The following ITPRID1 variants were observed in gnomAD, a reference collection of about 807,000 sequenced individuals.
ITPRID1 encodes the protein ITPR interacting domain containing 1, also known as protein ITPRID1.
Under a neutral mutation model 95.4 loss-of-function variants are expected in ITPRID1, and 96 were observed. That is an observed-to-expected ratio of 1.01 (90% CI 0.85 to 1.19). ITPRID1 has a LOEUF of 1.19. ITPRID1 is among the 50% of genes most tolerant of loss of function. The probability of loss-of-function intolerance (pLI) is 0.00; values close to 1 mark genes in which losing one functional copy is unlikely to be tolerated. For synonymous variants in ITPRID1, 510 were observed against 453.6 expected (o/e 1.12, Z -1.58); for missense variants, 1,339 against 1,252.9 (o/e 1.07, Z -1.04).
intron 10 of ITPRID1, among the ~76,000 whole-genome samples, chr7:31,616,664 ATAGCT>A (rs1302344337): frequency 5.9e-5 from 9 of 152,136 alleles, no homozygotes; most frequent in Non-Finnish European, 1.3e-4. Context: ...AATTCCCCAG[ATAGCT>A]TAAAGAGTAG....
At chr7:31,612,242 ATTCT>A (rs771706018) in intron 10 of ITPRID1, among the ~76,000 whole-genome samples, 6 of 152,104 alleles carry the variant, frequency 3.9e-5, no homozygotes, top group Non-Finnish European at 5.9e-5. Context: ...TTGATGAGAC[ATTCT>A]TTCTCATACA....
intron 10 of ITPRID1, among the ~76,000 whole-genome samples, chr7:31,630,256 A>C (rs1181120632): frequency 6.6e-6 from 1 of 151,580 alleles, no homozygotes; most frequent in African/African-American, 2.4e-5. Flanking sequence ...AAAAAAAAAA[A>C]AAAAAACATT....
chr7:31,624,292 A>C (rs2128183828), intron 10 of ITPRID1, among the ~76,000 whole-genome samples: 1 of 144,208 alleles, frequency 6.9e-6, no homozygotes, highest in East Asian at 2.1e-4. Flanking sequence ...ATATGGAACC[A>C]AAAAAGAGCC....
At chr7:31,577,308 CTG>C (rs1163391707) in intron 8 of ITPRID1, among the ~76,000 whole-genome samples, 9 of 152,332 alleles carry the variant, frequency 5.9e-5, no homozygotes, top group Admixed American at 5.9e-4. Context: ...GGCTCTAGCA[CTG>C]TGTAGCTCTT....
chr7:31,636,860 T>C (rs1789532514), intron 10 of ITPRID1, among the ~76,000 whole-genome samples: 1 of 147,616 alleles, frequency 6.8e-6, no homozygotes, highest in African/African-American at 2.5e-5. Context: ...ATATATCTCC[T>C]AATGCTATCC....
rs374063664 is a variant in ITPRID1, at chr7:31,572,153, C to G, written c.360C>G (p.Phe120Leu). 2.2e-5 allele frequency: 35 copies of G among 1,611,588 alleles called. No individual in the cohort carries two copies. Among genetic ancestry groups the G allele is most frequent in the Non-Finnish European group, 2.7e-5 (32 of 1,178,366 alleles). Reference protein sequence around the residue: ...ETPILSRGTSFNSCYSTASVP... With the variant: ...ETPILSRGTSLNSCYSTASVP... ...CCATCCTATCCAGAGGGACCAGTTT[C>G]AACTCTTGCTATTCTACTGCAAGTG... The change falls in exon 7 of 15, where the codon TTC becomes TTG. Residue 120 changes from phenylalanine (F) to leucine (L), a missense_variant. By Grantham distance (22) the Phe-to-Leu change is conservative (BLOSUM62 0). Transcript: ENST00000615280.
intron 10 of ITPRID1, among the ~76,000 whole-genome samples, chr7:31,637,420 A>G (rs975779587): frequency 8.5e-5 from 13 of 152,168 alleles, no homozygotes; most frequent in Non-Finnish European, 1.6e-4. Flanking sequence ...CTTTTTAATG[A>G]TCGCCAGTCT....
chr7:31,554,236 TTTTC>T (rs1784375666), intron 3 of ITPRID1, among the ~76,000 whole-genome samples: 1 of 152,210 alleles, frequency 6.6e-6, no homozygotes, highest in African/African-American at 2.4e-5. Context: ...CTCTCTCACA[TTTTC>T]TTTCTTTTTT....
intron 9 of ITPRID1, among the ~76,000 whole-genome samples, chr7:31,579,150 G>T (rs951903467): frequency 7.2e-5 from 11 of 152,006 alleles, no homozygotes; most frequent in African/African-American, 2.7e-4. Flanking sequence ...TCACTTAAGT[G>T]ACATTCTCAC....
At chr7:31,649,958 G>T (rs1267769234) in intron 12 of ITPRID1, among the ~76,000 whole-genome samples, 1 of 152,186 alleles carries the variant, frequency 6.6e-6, no homozygotes, top group East Asian at 1.9e-4. Flanking sequence ...ATAAGGGAGG[G>T]TGAAGAGTAG....
chr7:31,523,197 T>C (rs898732259), intron 1 of ITPRID1, among the ~76,000 whole-genome samples: 1 of 152,238 alleles, frequency 6.6e-6, no homozygotes, highest in African/African-American at 2.4e-5. Flanking sequence ...GTTGAGGGTA[T>C]GTTTGCTAAA....
At chr7:31,521,615 T>TTTTCCTTCC (rs1554280114) in intron 1 of ITPRID1, among the ~76,000 whole-genome samples, 6 of 121,934 alleles carry the variant, frequency 4.9e-5, no homozygotes, top group African/African-American at 5.9e-5. Context: ...CTTTTTCTCC[T>TTTTCCTTCC]TTCCCTCCTT....
intron 1 of ITPRID1, among the ~76,000 whole-genome samples, chr7:31,539,913 G>T (rs1414737727): frequency 6.6e-6 from 1 of 152,086 alleles, no homozygotes. Context: ...TCGGGGAGGG[G>T]TTTGGAATGT....
At chr7:31,579,663 T>C (rs1261848720) in intron 9 of ITPRID1, among the ~76,000 whole-genome samples, 1 of 152,206 alleles carries the variant, frequency 6.6e-6, no homozygotes, top group Non-Finnish European at 1.5e-5. Flanking sequence ...AAGAATAGGA[T>C]TGAGCCAGGT....
chr7:31,657,996 T>C (rs112695804), downstream of ITPRID1, among the ~76,000 whole-genome samples: 1 of 152,224 alleles, frequency 6.6e-6, no homozygotes, highest in Non-Finnish European at 1.5e-5. Context: ...TTCCATTTAT[T>C]CAAAGCCAAA....
chr7:31,534,014 G>A (rs562090826), intron 1 of ITPRID1, among the ~76,000 whole-genome samples: 2 of 152,244 alleles, frequency 1.3e-5, no homozygotes, highest in Admixed American at 6.5e-5. Flanking sequence ...GATCAGCCAT[G>A]GTATTAGATC....
intron 5 of ITPRID1, among the ~76,000 whole-genome samples, chr7:31,556,879 G>A (rs1784465641): frequency 6.6e-6 from 1 of 151,978 alleles, no homozygotes; most frequent in African/African-American, 2.4e-5. Context: ...CAGTTATGGA[G>A]TCTGGAAGCC....
Position 31,521,620 on chromosome 7 carries a change from C to CCTTCCT in ITPRID1, c.-98+7500_-98+7501insCTTCCT, listed in dbSNP as rs1783254246. On this transcript the variant is annotated intron_variant, in intron 1 of 14. Coordinates refer to ENST00000615280, the MANE Select transcript of ITPRID1 (RefSeq NM_001257967.3). ...GTTTGTCCAGCTTTTTCTCCTTTCC[C>CCTTCCT]TCCTTCCTTCCTTCCTTCCTTCCTT... 8.7e-3 allele frequency among the ~76,000 whole-genome samples: 608 copies of CCTTCCT among 69,752 alleles called. 18 individuals are homozygous for CCTTCCT. Among genetic ancestry groups the CCTTCCT allele is most frequent in the Non-Finnish European group, 9.9e-3 (330 of 33,226 alleles). The allele number at this position is 69,752 out of a possible 152,430, so 45.8% of individuals were successfully genotyped here.
chr7:31,518,135 CA>C, intron 1 of ITPRID1: 1 of 152,480 alleles, frequency 6.6e-6, no homozygotes, highest in Middle Eastern at 3.4e-3. Context: ...ATGATAGGAG[CA>C]GAGAAGCAGA....
Sources: gnomAD v4.1 joint callset for allele counts (sites outside exome capture counted in the v4.1 genomes callset) on GRCh38, gnomAD v4.1.1 for gene constraint, MANE v1.5 for transcripts, NCBI Gene and HGNC (gene_info 2026-07-23, HGNC 2026-07-21) for gene names.